Variants in AIG1 observed in about 807,000 individuals in gnomAD.
AIG1 encodes androgen-induced gene 1 protein.
In AIG1, 23 loss-of-function variants were observed where a neutral mutation model predicts 31.4. That is an observed-to-expected ratio of 0.73 (90% CI 0.53 to 1.04). AIG1 has a LOEUF of 1.04. AIG1 is among the 50% of genes least tolerant of loss of function. The pLI is 0.00. For missense variants in AIG1, 274 were observed against 295.0 expected, an observed-to-expected ratio of 0.93 and a Z score of 0.52; for synonymous variants, 100 against 110.5, an observed-to-expected ratio of 0.90 and a Z score of 0.60.
intron 2 of AIG1, among the ~76,000 whole-genome samples, chr6:143,144,754 A>G (rs553305644): frequency 2.6e-5 from 4 of 152,262 alleles, no homozygotes; most frequent in Non-Finnish European, 5.9e-5. Context: ...TATTTTATCC[A>G]TGATGATTAC....
At chr6:143,063,020 G>A (rs1776390953) in intron 1 of AIG1, among the ~76,000 whole-genome samples, 1 of 152,206 alleles carries the variant, frequency 6.6e-6, no homozygotes, top group South Asian at 2.1e-4. Flanking sequence ...GTCAGCAGGT[G>A]AACAGAGGTA....
rs1218879363 is a variant in AIG1 at position 143,298,051 on chromosome 6, T to C, written c.515+13826T>C. The stretch of plus-strand genomic sequence containing the variant: ...GCAACTAGAATGAGTAATTTAGCCC[T>C]GTGACATTCTGCTGCAAAAAAAAAA... On this transcript the variant is annotated intron_variant, in intron 4 of 5. Transcript: ENST00000357847. The surrounding 1 kb of genome is among the most constrained non-coding windows in gnomAD (Gnocchi z 5.1). 6.7e-6 allele frequency among the ~76,000 whole-genome samples: 1 copy of C among 148,672 alleles called. No individual in the cohort carries two copies.
At chr6:143,264,069 C>T (rs1173687811) in intron 3 of AIG1, among the ~76,000 whole-genome samples, 1 of 152,146 alleles carries the variant, frequency 6.6e-6, no homozygotes, top group Non-Finnish European at 1.5e-5. Flanking sequence ...TTTATTCTTG[C>T]AACATGACAG....
chr6:143,155,136 G>C (rs1051230336), intron 2 of AIG1, among the ~76,000 whole-genome samples: 18 of 151,886 alleles, frequency 1.2e-4, no homozygotes, highest in Admixed American at 3.3e-4. Flanking sequence ...TGGGATTACA[G>C]GCGGGAGCCA....
chr6:143,064,245 C>T (rs1274986481), intron 1 of AIG1, among the ~76,000 whole-genome samples: 2 of 152,100 alleles, frequency 1.3e-5, no homozygotes, highest in Non-Finnish European at 2.9e-5. Context: ...TCCCATTGGG[C>T]CCAATGTAAT....
chr6:143,154,098 A>G (rs1785496407), intron 2 of AIG1, among the ~76,000 whole-genome samples: 1 of 151,978 alleles, frequency 6.6e-6, no homozygotes, highest in African/African-American at 2.4e-5. Context: ...CCCCTCGCAA[A>G]AAAGTTAAAA....
chr6:143,248,496 G>T (rs771125141), intron 3 of AIG1, among the ~76,000 whole-genome samples: 29 of 151,918 alleles, frequency 1.9e-4, no homozygotes, highest in Non-Finnish European at 3.8e-4. Flanking sequence ...TGCCAGTAGT[G>T]GGAGGAGATC....
chr6:143,132,029 C>G (rs1654013667), intron 1 of AIG1, among the ~76,000 whole-genome samples: 1 of 152,162 alleles, frequency 6.6e-6, no homozygotes, highest in Non-Finnish European at 1.5e-5. Flanking sequence ...AATGTAAGAA[C>G]CTTACAACTA....
At chr6:143,198,359 T>A (rs1231465617) in intron 3 of AIG1, among the ~76,000 whole-genome samples, 2 of 152,244 alleles carry the variant, frequency 1.3e-5, no homozygotes, top group Non-Finnish European at 2.9e-5. Flanking sequence ...AGTTAATGTC[T>A]GCTGATCACC....
intron 1 of AIG1, among the ~76,000 whole-genome samples, chr6:143,063,983 C>T (rs1776476524): frequency 6.6e-6 from 1 of 152,116 alleles, no homozygotes; most frequent in African/African-American, 2.4e-5. Flanking sequence ...TGTTATTCTC[C>T]AATGGTTTCT....
At chr6:143,162,820 C>T (rs996754067) in intron 2 of AIG1, among the ~76,000 whole-genome samples, 4 of 152,100 alleles carry the variant, frequency 2.6e-5, no homozygotes, top group Non-Finnish European at 5.9e-5. Flanking sequence ...CCACAAATGC[C>T]CTGAGGCATA....
chr6:143,229,169 T>G (rs995841825), intron 3 of AIG1, among the ~76,000 whole-genome samples: 4 of 152,248 alleles, frequency 2.6e-5, no homozygotes, highest in Admixed American at 6.5e-5. Flanking sequence ...TTCTTGCAAT[T>G]TGAACAAAGC....
intron 1 of AIG1, among the ~76,000 whole-genome samples, chr6:143,089,124 C>T (rs144189226): frequency 5.3e-5 from 8 of 151,762 alleles, no homozygotes; most frequent in South Asian, 2.1e-4. Flanking sequence ...GCAGGAGAAT[C>T]GCTTGAACCT....
Position 143,279,642 on chromosome 6 carries a change from TCAGTTCACAG to T in AIG1, c.400-4466_400-4457del, listed in dbSNP as rs372157990. Among the ~76,000 whole-genome samples, 7 of 152,262 alleles carry T rather than the reference TCAGTTCACAG, an allele frequency of 4.6e-5. No individual in the cohort carries two copies. Among genetic ancestry groups the T allele is most frequent in the African/African-American group, 1.7e-4 (7 of 41,540 alleles). ...ATAGACCTTTGTCACGGGAGGCTGGTCAGTTCACAGCCTCCATGGCAGTGGAGTCAGTTCA... is the reference window on the plus strand; with the variant it reads ...ATAGACCTTTGTCACGGGAGGCTGGTCCTCCATGGCAGTGGAGTCAGTTCA... On this transcript the variant is annotated intron_variant, in intron 3 of 5. Transcript: ENST00000357847. This position sits in a 1 kb window ranked among gnomAD's most constrained non-coding sequence, Gnocchi z 5.4.
At chr6:143,201,869 G>A (rs924718443) in intron 3 of AIG1, among the ~76,000 whole-genome samples, 3 of 152,194 alleles carry the variant, frequency 2.0e-5, no homozygotes, top group Admixed American at 2.0e-4. Flanking sequence ...GAACTAGCAA[G>A]TTAGTTGTAA....
At chr6:143,285,117 G>A (rs1448291151) in intron 4 of AIG1, among the ~76,000 whole-genome samples, 1 of 151,912 alleles carries the variant, frequency 6.6e-6, no homozygotes, top group Admixed American at 6.6e-5. Flanking sequence ...AAATCCTAGA[G>A]CTCTTTGGGA....
chr6:143,264,553 G>A (rs1276382819), intron 3 of AIG1, among the ~76,000 whole-genome samples: 1 of 152,170 alleles, frequency 6.6e-6, no homozygotes, highest in Non-Finnish European at 1.5e-5. Flanking sequence ...GCCAGCACAA[G>A]GTGGGGGACC....
intron 3 of AIG1, chr6:143,190,504 A>C: frequency 1.0e-6 from 1 of 985,098 alleles, no homozygotes; most frequent in Non-Finnish European, 1.2e-6. Flanking sequence ...CTTTTAAGTT[A>C]TGTTCAGAAT....
intron 3 of AIG1, among the ~76,000 whole-genome samples, chr6:143,199,564 A>G (rs189344133): frequency 2.0e-5 from 3 of 152,258 alleles, no homozygotes. Flanking sequence ...ATATGAGCTC[A>G]TTTCTGTACT....
Sources: allele counts gnomAD v4.1 joint callset (sites outside exome capture counted in the v4.1 genomes callset), GRCh38; gene constraint gnomAD v4.1.1; non-coding constraint Gnocchi (gnomAD v3.1); transcripts MANE v1.5; gene names NCBI Gene and HGNC (gene_info 2026-07-23, HGNC 2026-07-21).